Variants in TSHR observed in about 807,000 individuals in gnomAD.
The protein encoded by TSHR is thyroid stimulating hormone receptor.
A neutral mutation model predicts 64.1 loss-of-function variants in TSHR; 51 were observed. The observed-to-expected ratio is 0.80, with a 90% CI of 0.64 to 1.01. The LOEUF is 1.01. Ranked by LOEUF, TSHR falls within the 50% of genes least tolerant of loss-of-function variation. TSHR has a pLI of 0.00. For synonymous variants in TSHR, 361 were observed against 361.9 expected, an observed-to-expected ratio of 1.00 and a Z score of 0.03; for missense variants, 877 against 942.8, an observed-to-expected ratio of 0.93 and a Z score of 0.91.
chr14:81,073,040 A>T lies in TSHR; in HGVS notation c.317+4712A>T, dbSNP rs1887232959. Among the ~76,000 whole-genome samples, 3 of 135,710 alleles carry T rather than the reference A, an allele frequency of 2.2e-5. 1 individual carries two copies. Among genetic ancestry groups the T allele is most frequent in the Non-Finnish European group, 4.7e-5 (3 of 64,260 alleles). 89.0% of individuals were successfully genotyped at this position (135,710 alleles called of 152,430 possible). ...AAAATAAATATATATATATATATAT[A>T]TATATATATAAAATGCACACAGTAA... On this transcript the variant is annotated intron_variant, in intron 3 of 9. Transcript: ENST00000298171.
chr14:81,083,959 T>G (rs1319984955), intron 3 of TSHR, among the ~76,000 whole-genome samples: 1 of 152,158 alleles, frequency 6.6e-6, no homozygotes, highest in East Asian at 1.9e-4. Context: ...TCACTCACTA[T>G]CACGAGAACA....
rs2139909895 is a variant in TSHR at position 81,068,279 on chromosome 14, C to T, written c.268C>T (p.Gln90Ter). 1.2e-6 allele frequency: 2 copies of T among 1,613,018 alleles called. No homozygotes were observed. The highest frequency in any genetic ancestry group is 1.7e-6 in the Non-Finnish European group (2 of 1,179,346). The stretch of plus-strand genomic sequence containing the variant: ...CTACGTATCTATAGATGTGACTCTG[C>T]AGCAGCTGGAATCACACTCCTTCTA... ...RIYVSIDVTL[Q>*]QLESHSFYNL... The change falls in exon 3 of 10, where the codon CAG becomes TAG. Residue 90 changes from glutamine (Q) to a stop codon, truncating the protein, a stop_gained. Coordinates refer to ENST00000298171, the MANE Select transcript of TSHR (RefSeq NM_000369.5). LOFTEE classifies it high-confidence loss of function.
At chr14:80,972,835 G>C (rs1456448176) in intron 1 of TSHR, among the ~76,000 whole-genome samples, 2 of 152,084 alleles carry the variant, frequency 1.3e-5, no homozygotes, top group Non-Finnish European at 1.5e-5. Context: ...TACCTATTCT[G>C]GATATTTTGT....
At position 81,086,749 on chromosome 14, in the gene TSHR, G is replaced by A. The variant is rs1888312927; in HGVS notation, c.318-1205G>A. The stretch of plus-strand genomic sequence containing the variant: ...ATCTGGGCTATTCAGAAATAAAAAG[G>A]AGTGAACTACTAATTCATGTTACAA... On this transcript the variant is annotated intron_variant, in intron 3 of 9. Transcript: ENST00000298171. Among the ~76,000 whole-genome samples the A allele has an allele frequency of 2.0e-5, 3 of 152,194 alleles. No homozygotes were observed. The East Asian group carries it at 5.8e-4, about 29-fold the overall frequency.
intron 8 of TSHR, 149 bp downstream of exon 8, chr14:81,108,601 T>C (rs1422716316): frequency 6.2e-7 from 1 of 1,613,712 alleles, no homozygotes; most frequent in Non-Finnish European, 8.5e-7. Context: ...CCTCTTTTCC[T>C]GGCTGTATAG....
chr14:81,119,394 A>C (rs1419007712), intron 8 of TSHR, among the ~76,000 whole-genome samples: 1 of 139,538 alleles, frequency 7.2e-6, no homozygotes, highest in Non-Finnish European at 1.5e-5. Flanking sequence ...TTCTCAAAAG[A>C]AGACATTTAT....
chr14:81,143,173 A>C lies in TSHR; in HGVS notation c.1115A>C (p.Asn372Thr), dbSNP rs1204330294. 58 of 1,614,008 alleles carry C rather than the reference A, an allele frequency of 3.6e-5. No homozygotes were observed. The South Asian group carries it at 4.1e-4, about 11-fold the overall frequency. Reference protein sequence around the residue: ...EIIGFGQELKNPQEETLQAFD... With the variant: ...EIIGFGQELKTPQEETLQAFD... ...ATTGGTTTTGGCCAGGAGCTCAAAA[A>C]CCCCCAGGAAGAGACTCTACAAGCT... is the stretch of plus-strand genomic sequence containing the variant. The change falls in exon 10 of 10, where the codon AAC becomes ACC. Residue 372 changes from asparagine to threonine, a missense_variant. Physicochemically the swap from Asn to Thr is moderately conservative, Grantham distance 65. Coordinates refer to ENST00000298171, the MANE Select transcript of TSHR (RefSeq NM_000369.5).
chr14:81,122,022 T>C (rs1456489548), intron 8 of TSHR, among the ~76,000 whole-genome samples: 1 of 5,952 alleles, frequency 1.7e-4, no homozygotes, highest in Non-Finnish European at 3.0e-4. Flanking sequence ...TTCTTTTCCT[T>C]TTTTTTTTTT....
chr14:81,124,817 T>C (rs1449464570), intron 8 of TSHR, among the ~76,000 whole-genome samples: 1 of 152,218 alleles, frequency 6.6e-6, no homozygotes, highest in Non-Finnish European at 1.5e-5. Flanking sequence ...TGTCAGCTAT[T>C]TGTATATTTT....
At chr14:80,973,131 C>A (rs1887660378) in intron 1 of TSHR, among the ~76,000 whole-genome samples, 1 of 151,998 alleles carries the variant, frequency 6.6e-6, no homozygotes, top group Non-Finnish European at 1.5e-5. Context: ...CTTGGCCGGG[C>A]GCGGTGGCTC....
At chr14:81,018,666 G>A (rs1316912908) in intron 1 of TSHR, among the ~76,000 whole-genome samples, 2 of 152,080 alleles carry the variant, frequency 1.3e-5, no homozygotes, top group East Asian at 1.9e-4. Flanking sequence ...CTGCATTCAG[G>A]GTCATGGTGG....
At chr14:80,993,092 T>C (rs951724055) in intron 1 of TSHR, 18 of 152,216 alleles carry the variant, frequency 1.2e-4, no homozygotes, top group African/African-American at 3.9e-4. Context: ...AAATAAAATA[T>C]AGATTTGAGC....
intron 3 of TSHR, 95 bp from the exon 4 acceptor site, chr14:81,087,859 A>G (rs1207028967): frequency 1.9e-6 from 2 of 1,035,030 alleles, no homozygotes; most frequent in African/African-American, 3.2e-5. Context: ...TATTTTTCTC[A>G]TGAACGTTTG....
chr14:81,104,762 C>T, intron 7 of TSHR: 4 of 985,418 alleles, frequency 4.1e-6, no homozygotes, highest in Non-Finnish European at 4.8e-6. Context: ...GAACTATTCA[C>T]AATCTTAAAT....
intron 3 of TSHR, among the ~76,000 whole-genome samples, chr14:81,084,430 C>T (rs1888135620): frequency 6.6e-6 from 1 of 151,942 alleles, no homozygotes; most frequent in Non-Finnish European, 1.5e-5. Context: ...CTAGATGTGA[C>T]CACTATGAAC....
chr14:81,140,841 C>T (rs28526415), intron 9 of TSHR, among the ~76,000 whole-genome samples: 3,296 of 152,288 alleles, frequency 0.022, 129 homozygotes, highest in African/African-American at 0.076. Context: ...ATATGGTGGC[C>T]GGGCACAGTG....
In TSHR at chr14:80,991,027, TTGAA is replaced by T. The variant is rs1370127299; in HGVS notation, c.170+35179_170+35182del. 5.3e-5 allele frequency among the ~76,000 whole-genome samples: 8 copies of T among 152,356 alleles called. 1 individual carries two copies. The highest frequency in any genetic ancestry group is 1.9e-4 in the African/African-American group (8 of 41,588). On this transcript the variant is annotated intron_variant, in intron 1 of 9. Coordinates refer to ENST00000298171, the MANE Select transcript of TSHR (RefSeq NM_000369.5). ...ATGAAGAGAATGATTAAAGTACAGCTTGAATAAGTTCTGATTTTTCTCTCTTAAG... is the reference window on the plus strand; with the variant it reads ...ATGAAGAGAATGATTAAAGTACAGCTTAAGTTCTGATTTTTCTCTCTTAAG...
intron 1 of TSHR, chr14:80,994,852 A>C (rs1439092835): frequency 1.5e-5 from 2 of 136,900 alleles, no homozygotes; most frequent in Non-Finnish European, 2.9e-5. Flanking sequence ...GCCAAAAGCA[A>C]TTGCAACAAA....
At chr14:81,038,889 A>G (rs934976710) in intron 1 of TSHR, among the ~76,000 whole-genome samples, 1 of 151,726 alleles carries the variant, frequency 6.6e-6, no homozygotes, top group African/African-American at 2.4e-5. Context: ...AACAAGATTC[A>G]ATCAGTAATA....
Sources: gnomAD v4.1 joint callset for allele counts (sites outside exome capture counted in the v4.1 genomes callset) on GRCh38, gnomAD v4.1.1 for gene constraint, MANE v1.5 for transcripts, NCBI Gene and HGNC (gene_info 2026-07-23, HGNC 2026-07-21) for gene names.